Variants in DCLRE1B observed in about 807,000 individuals in gnomAD.
The protein encoded by DCLRE1B is DNA cross-link repair 1B, also known as 5' exonuclease Apollo.
Under a neutral mutation model 19.8 loss-of-function variants are expected in DCLRE1B, and 6 were observed. That is an observed-to-expected ratio of 0.30 (90% CI 0.17 to 0.60). The LOEUF is 0.60. DCLRE1B is among the 20% of genes least tolerant of loss of function. The pLI, the probability that DCLRE1B is intolerant of heterozygous loss-of-function variation, is 0.87. For synonymous variants in DCLRE1B, 258 were observed against 255.7 expected (o/e 1.01, Z -0.09); for missense variants, 622 against 654.2 (o/e 0.95, Z 0.54).
intron 3 of DCLRE1B, among the ~76,000 whole-genome samples, chr1:113,910,025 C>T (rs1468001295): frequency 1.3e-5 from 2 of 152,196 alleles, no homozygotes; most frequent in Non-Finnish European, 2.9e-5. Flanking sequence ...TAAACAACAT[C>T]TCCCATATCT....
Position 113,908,134 on chromosome 1 carries a change from G to A in DCLRE1B, c.481G>A (p.Ala161Thr). The change falls in exon 3 of 4, where the codon GCT becomes ACT. Residue 161 changes from alanine to threonine, a missense_variant. This residue lies in a region of DCLRE1B where 237 missense variants were observed against 223.8 expected (regional missense o/e 1.06). Transcript: ENST00000650450. ...CCTGGTTCTTCCTTCCCGACAAGAA[G>A]CTGCCCACCAGATTGTCCAGCTCAT... is the stretch of plus-strand genomic sequence containing the variant. ...PALVLPSRQEAAHQIVQLIRK... is the reference protein window; with the variant it reads ...PALVLPSRQETAHQIVQLIRK... 1.2e-6 allele frequency: 2 copies of A among 1,614,180 alleles called. No homozygotes were observed. Among genetic ancestry groups the A allele is most frequent in the Non-Finnish European group, 1.7e-6 (2 of 1,180,026 alleles).
rs760138756 is a variant in DCLRE1B at position 113,911,395 on chromosome 1, T to G, written c.803T>G (p.Ile268Ser). Reference protein sequence around the residue: ...SRKIHSSHPDIHVIPYSDHSS... With the variant: ...SRKIHSSHPDSHVIPYSDHSS... ...AAAATCCACAGCTCCCACCCTGATA[T>G]CCACGTCATCCCTTACTCTGACCAT... The change falls in exon 4 of 4, where the codon ATC becomes AGC. Residue 268 changes from isoleucine (I) to serine (S), a missense_variant. Coordinates refer to ENST00000650450, the MANE Select transcript of DCLRE1B (RefSeq NM_022836.4). The G allele has an allele frequency of 1.2e-6, 2 of 1,614,172 alleles. No individual in the cohort carries two copies. The highest frequency in any genetic ancestry group is 1.7e-6 in the Non-Finnish European group (2 of 1,180,034).
chr1:113,911,712 A>G lies in DCLRE1B; in HGVS notation c.1120A>G (p.Lys374Glu), dbSNP rs1189585325. 3.1e-6 allele frequency: 5 copies of G among 1,614,022 alleles called. No individual in the cohort carries two copies. In the African/African-American group the frequency reaches 5.3e-5, roughly 17 times the overall value. ...AGCTGACAGAGACTCAAAGAAGGCC[A>G]AGAAAGAGAAACTTTCTCCCTGGCC... ...SQADRDSKKA[K>E]KEKLSPWPAD... The change falls in exon 4 of 4, where the codon AAG becomes GAG. Residue 374 changes from lysine (K) to glutamate (E), a missense_variant. Lys to Glu is a moderately conservative substitution (Grantham distance 56, BLOSUM62 1). Around this residue, in one of 3 missense-constraint regions of DCLRE1B, gnomAD observed 382 missense variants for 412.5 expected, o/e 0.93. Coordinates refer to ENST00000650450, the MANE Select transcript of DCLRE1B (RefSeq NM_022836.4).
Position 113,913,391 on chromosome 1 carries a change from TAGAG to T in DCLRE1B, c.*1203_*1206del, listed in dbSNP as rs1180552523. The T allele has an allele frequency of 2.0e-5, 3 of 152,798 alleles. No individual in the cohort carries two copies. The highest frequency in any genetic ancestry group is 6.5e-5 in the Admixed American group (1 of 15,288). The allele number at this position is 152,798 out of a possible 1,614,324, so 9.5% of individuals were successfully genotyped here. On this transcript the variant is annotated 3_prime_UTR_variant, in exon 4 of 4. Transcript: ENST00000650450. ...AGAGTTTTCTGCTTTGAGAGAGAAATAGAGAGTTTAGAAAGCAATTGCTCTTGGG... is the reference window on the plus strand; with the variant it reads ...AGAGTTTTCTGCTTTGAGAGAGAAATAGTTTAGAAAGCAATTGCTCTTGGG...
At position 113,913,030 on chromosome 1, in the gene DCLRE1B, A is replaced by G. The variant is rs993995040; in HGVS notation, c.*839A>G. On this transcript the variant is annotated 3_prime_UTR_variant, in exon 4 of 4. Transcript: ENST00000650450. Reference sequence around the variant, plus strand: ...AAATGTGTTGTCAGATATTCCTCCAATTGTTCACATAGCTGGGATATTTGT... The same window carrying G: ...AAATGTGTTGTCAGATATTCCTCCAGTTGTTCACATAGCTGGGATATTTGT... 4 of 152,732 alleles carry G rather than the reference A, an allele frequency of 2.6e-5. No homozygotes were observed. Among genetic ancestry groups the G allele is most frequent in the South Asian group, 2.1e-4 (1 of 4,822 alleles). 9.5% of individuals were successfully genotyped at this position (152,732 alleles called of 1,614,324 possible). A position where few individuals can be genotyped will look rare whatever the true frequency, so the allele number is the denominator to read the frequency against.
At chr1:113,909,557 G>A (rs568880114) in intron 3 of DCLRE1B, among the ~76,000 whole-genome samples, 2 of 152,270 alleles carry the variant, frequency 1.3e-5, no homozygotes, top group East Asian at 3.9e-4. Flanking sequence ...AACTTCCAGG[G>A]TGACTACCAA....
intron 1 of DCLRE1B, 93 bp from the exon 2 acceptor site, chr1:113,906,903 C>T (rs191579889): frequency 3.4e-6 from 5 of 1,451,240 alleles, no homozygotes; most frequent in Admixed American, 4.0e-5. Flanking sequence ...AGGATTTGGT[C>T]AGCTTTCCTG....
chr1:113,907,933 A>G (rs1012413210), intron 2 of DCLRE1B, 76 bp from the exon 3 acceptor site: 181 of 1,492,764 alleles, frequency 1.2e-4, no homozygotes, highest in Non-Finnish European at 1.5e-4. Flanking sequence ...ACGCCTGTCT[A>G]TTGTTGGAGG....
At chr1:113,906,906 C>A in intron 1 of DCLRE1B, 90 bp from the exon 2 acceptor site, 1 of 1,471,704 alleles carries the variant, frequency 6.8e-7, no homozygotes, top group Non-Finnish European at 9.3e-7. Flanking sequence ...ATTTGGTCAG[C>A]TTTCCTGATT....
upstream of DCLRE1B, chr1:113,904,648 C>T (rs1335093371): frequency 6.2e-7 from 1 of 1,613,684 alleles, no homozygotes; most frequent in South Asian, 1.1e-5. Flanking sequence ...AGCCTATCAG[C>T]TTGAATGTGA....
At position 113,911,327 on chromosome 1, in the gene DCLRE1B, G is replaced by T; in HGVS notation, c.735G>T (p.Trp245Cys). Residue 245 changes from tryptophan to cysteine, a missense_variant, in exon 4 of 4, where the codon TGG becomes TGT. Around this residue, in one of 3 missense-constraint regions of DCLRE1B, gnomAD observed 382 missense variants for 412.5 expected, o/e 0.93. Coordinates refer to ENST00000650450, the MANE Select transcript of DCLRE1B (RefSeq NM_022836.4). Reference protein sequence around the residue: ...MEICHSNMLRWNQTHPTIAIL... With the variant: ...MEICHSNMLRCNQTHPTIAIL... ...TCTGCCATTCCAACATGCTGCGTTG[G>T]AACCAGACCCACCCTACGATTGCTA... 6.2e-7 allele frequency: 1 copy of T among 1,614,082 alleles called. No homozygotes were observed. The highest frequency in any genetic ancestry group is 8.5e-7 in the Non-Finnish European group (1 of 1,180,010).
rs890185931 is a variant in DCLRE1B at position 113,912,525 on chromosome 1, C to G, written c.*334C>G. 3 of 198,686 alleles carry G rather than the reference C, an allele frequency of 1.5e-5. No homozygotes were observed. Among genetic ancestry groups the G allele is most frequent in the African/African-American group, 4.7e-5 (2 of 42,708 alleles). 12.3% of individuals were successfully genotyped at this position (198,686 alleles called of 1,614,324 possible). On this transcript the variant is annotated 3_prime_UTR_variant, in exon 4 of 4. Transcript: ENST00000650450. Reference sequence around the variant, plus strand: ...TATTTCTCAAACTTTTGTGAACATGCAATCATCTTATGTGGGTACAGAAAG... The same window carrying G: ...TATTTCTCAAACTTTTGTGAACATGGAATCATCTTATGTGGGTACAGAAAG...
chr1:113,907,359 AC>A (rs1330910432), intron 2 of DCLRE1B, among the ~76,000 whole-genome samples, 198 bp downstream of exon 2: 2 of 151,840 alleles, frequency 1.3e-5, no homozygotes, highest in Admixed American at 6.6e-5. Flanking sequence ...CACCTGGCAG[AC>A]TTTTCTTGAG....
At chr1:113,905,054 T>C (rs1668817598), upstream of DCLRE1B, 1 of 395,264 alleles carries the variant, frequency 2.5e-6, no homozygotes, top group African/African-American at 2.1e-5. Flanking sequence ...CCTCTCCAGT[T>C]CCAGCCTTAA....
intron 1 of DCLRE1B, among the ~76,000 whole-genome samples, chr1:113,906,592 G>A (rs1384129761): frequency 1.4e-4 from 21 of 151,138 alleles, no homozygotes; most frequent in Admixed American, 1.1e-3. Flanking sequence ...CCGGGTTCAC[G>A]CCATTCTCCT....
In DCLRE1B at chr1:113,913,409, A is replaced by G. The variant is rs893157884; in HGVS notation, c.*1218A>G. Reference sequence around the variant, plus strand: ...AGAGAAATAGAGAGTTTAGAAAGCAATTGCTCTTGGGAAAGCTATACACAG... The same window carrying G: ...AGAGAAATAGAGAGTTTAGAAAGCAGTTGCTCTTGGGAAAGCTATACACAG... On this transcript the variant is annotated 3_prime_UTR_variant, in exon 4 of 4. Coordinates refer to ENST00000650450, the MANE Select transcript of DCLRE1B (RefSeq NM_022836.4). 6.5e-5 allele frequency: 10 copies of G among 152,850 alleles called. No individual in the cohort carries two copies. Among genetic ancestry groups the G allele is most frequent in the African/African-American group, 2.4e-4 (10 of 41,554 alleles). 9.5% of individuals were successfully genotyped at this position (152,850 alleles called of 1,614,324 possible). A position where few individuals can be genotyped will look rare whatever the true frequency, so the allele number is the denominator to read the frequency against.
rs763172634 is a variant in DCLRE1B, at chr1:113,911,963, G to T, written c.1371G>T (p.Leu457Phe). The T allele has an allele frequency of 6.2e-7, 1 of 1,614,188 alleles. No homozygotes were observed. Among genetic ancestry groups the T allele is most frequent in the Admixed American group, 1.7e-5 (1 of 60,024 alleles). ...TREEIGLGSP[L>F]VPMGDDDGGP... ...AGGAAATTGGTTTAGGGTCCCCCTTGGTACCCATGGGAGATGATGATGGAG... is the reference window on the plus strand; with the variant it reads ...AGGAAATTGGTTTAGGGTCCCCCTTTGTACCCATGGGAGATGATGATGGAG... The change falls in exon 4 of 4, where the codon TTG (leucine) becomes TTT (phenylalanine). Residue 457 changes from leucine (L) to phenylalanine (F), a missense_variant. Leu to Phe is a conservative substitution (Grantham distance 22). Around this residue, in one of 3 missense-constraint regions of DCLRE1B, gnomAD observed 382 missense variants for 412.5 expected, o/e 0.93. Transcript: ENST00000650450.
chr1:113,904,867 CGGCACGCT>C (rs1668780955), upstream of DCLRE1B: 1 of 725,512 alleles, frequency 1.4e-6, no homozygotes, highest in Non-Finnish European at 2.4e-6. Context: ...TCCGTAGGGC[CGGCACGCT>C]GGCCCTGACA....
In DCLRE1B at chr1:113,905,439, CTT is replaced by C. The variant is rs954471509; in HGVS notation, c.-147_-146del. On this transcript the variant is annotated 5_prime_UTR_variant, in exon 1 of 4. Coordinates refer to ENST00000650450, the MANE Select transcript of DCLRE1B (RefSeq NM_022836.4). ...TTCCTTTTTCTGCCCACTCTGGTAA[CTT>C]ATTGCTCTGCTGGGCTCTTTCCCTT... is the stretch of plus-strand genomic sequence containing the variant. 1.3e-6 allele frequency: 1 copy of C among 787,458 alleles called. No individual in the cohort carries two copies. Among genetic ancestry groups the C allele is most frequent in the African/African-American group, 1.7e-5 (1 of 57,428 alleles). The allele number at this position is 787,458 out of a possible 1,614,324, so 48.8% of individuals were successfully genotyped here. A position where few individuals can be genotyped will look rare whatever the true frequency, so the allele number is the denominator to read the frequency against.
Sources: allele counts gnomAD v4.1 joint callset (sites outside exome capture counted in the v4.1 genomes callset), GRCh38; gene constraint gnomAD v4.1.1; regional missense constraint gnomAD v4.1.1; transcripts MANE v1.5; gene names NCBI Gene and HGNC (gene_info 2026-07-23, HGNC 2026-07-21).